Variants in SLC38A6 observed in about 807,000 individuals in gnomAD.
SLC38A6 encodes the protein solute carrier family 38 member 6.
SLC38A6 carries 73 observed loss-of-function variants against 65.0 expected under a neutral mutation model. The ratio of observed to expected loss-of-function variants is 1.12; its 90% CI spans 0.93 to 1.37. The LOEUF is 1.37. Ranked by LOEUF, SLC38A6 falls within the 40% of genes most tolerant of loss-of-function variation. The pLI is 0.00. For missense variants in SLC38A6, 561 were observed against 531.1 expected (o/e 1.06, Z -0.55); for synonymous variants, 183 against 178.8 (o/e 1.02, Z -0.19).
chr14:61,069,904 C>G (rs1453594017), intron 15 of SLC38A6, among the ~76,000 whole-genome samples: 1 of 152,068 alleles, frequency 6.6e-6, no homozygotes, highest in Admixed American at 6.6e-5. Context: ...TATTCTATGC[C>G]TCTCTTAGAG....
intron 1 of SLC38A6, among the ~76,000 whole-genome samples, chr14:60,981,976 G>C (rs904299385): frequency 1.3e-5 from 2 of 152,250 alleles, no homozygotes; most frequent in South Asian, 2.1e-4. Context: ...TGTTTTCAGG[G>C]ATACTGCCAG....
At chr14:61,051,974 A>G (rs1369429850) in intron 14 of SLC38A6, 43 bp downstream of exon 14, 1 of 1,602,448 alleles carries the variant, frequency 6.2e-7, no homozygotes, top group Non-Finnish European at 8.5e-7. Flanking sequence ...AAAATTGATA[A>G]AATTGCTACC....
chr14:61,014,583 T>C (rs2039850494), intron 3 of SLC38A6, among the ~76,000 whole-genome samples: 1 of 152,200 alleles, frequency 6.6e-6, no homozygotes, highest in African/African-American at 2.4e-5. Context: ...CCTTTCTGTT[T>C]GTTAGTTTTC....
chr14:61,064,213 T>A (rs1271769438), intron 15 of SLC38A6, among the ~76,000 whole-genome samples: 1 of 152,188 alleles, frequency 6.6e-6, no homozygotes, highest in Non-Finnish European at 1.5e-5. Context: ...GCCTCCCATG[T>A]GGCTTCAGGT....
chr14:61,075,777 T>G (rs1465136101), intron 15 of SLC38A6, among the ~76,000 whole-genome samples: 1 of 123,302 alleles, frequency 8.1e-6, no homozygotes, highest in Non-Finnish European at 1.7e-5. Flanking sequence ...ATCAACCTGT[T>G]TGTGTGTGTG....
At position 61,023,600 on chromosome 14, in the gene SLC38A6, T is replaced by TAC. The variant is rs36081997; in HGVS notation, c.403+4038_403+4039dup. 6.5e-4 allele frequency among the ~76,000 whole-genome samples: 96 copies of TAC among 146,840 alleles called. 2 individuals are homozygous for TAC. The highest frequency in any genetic ancestry group is 4.0e-3 in the Admixed American group (58 of 14,632). On this transcript the variant is annotated intron_variant, in intron 5 of 15. Transcript: ENST00000267488. The stretch of plus-strand genomic sequence containing the variant: ...TAATAATAATAATAATATATATATA[T>TAC]ACACACACACACACACACATATATG...
intron 15 of SLC38A6, among the ~76,000 whole-genome samples, chr14:61,064,067 C>G (rs909933544): frequency 6.6e-6 from 1 of 152,170 alleles, no homozygotes; most frequent in Non-Finnish European, 1.5e-5. Context: ...TTTCTCTAGC[C>G]TTCACTCACA....
intron 15 of SLC38A6, among the ~76,000 whole-genome samples, chr14:61,075,319 A>G (rs1424034814): frequency 6.6e-6 from 1 of 152,216 alleles, no homozygotes; most frequent in Non-Finnish European, 1.5e-5. Context: ...CACATGGGAC[A>G]GAACACATAC....
At chr14:61,069,010 CT>C (rs2139951684) in intron 15 of SLC38A6, among the ~76,000 whole-genome samples, 1 of 152,252 alleles carries the variant, frequency 6.6e-6, no homozygotes, top group East Asian at 1.9e-4. Flanking sequence ...CTCTTTGTGC[CT>C]GAAGTATTGC....
intron 15 of SLC38A6, among the ~76,000 whole-genome samples, chr14:61,068,723 A>G (rs753915705): frequency 5.3e-4 from 80 of 152,114 alleles, no homozygotes; most frequent in Non-Finnish European, 8.4e-4. Context: ...AATCTTGTTT[A>G]TGTGTTGTCT....
At chr14:61,045,516 C>A in intron 11 of SLC38A6, 91 bp downstream of exon 11, 1 of 939,280 alleles carries the variant, frequency 1.1e-6, no homozygotes, top group South Asian at 1.5e-5. Context: ...TTTATTAATC[C>A]TTTCCTCTCA....
At chr14:61,040,560 C>A (rs142058008) in intron 8 of SLC38A6, among the ~76,000 whole-genome samples, 1 of 152,040 alleles carries the variant, frequency 6.6e-6, no homozygotes, top group Non-Finnish European at 1.5e-5. Flanking sequence ...AGGATGGTCT[C>A]GATCTCCAGA....
intron 15 of SLC38A6, among the ~76,000 whole-genome samples, chr14:61,076,716 C>T (rs910931293): frequency 6.6e-5 from 10 of 152,340 alleles, no homozygotes; most frequent in African/African-American, 2.4e-4. Context: ...TGTTCTGTTA[C>T]ATCAGCCAGA....
rs115424209 is a variant in SLC38A6, at chr14:61,041,397, C to A, written c.625-1750C>A. ...CTATTAATATAAAATCAGGCTACTT[C>A]TTATTTTTTTCAAATTAATAAAAAT... On this transcript the variant is annotated intron_variant, in intron 8 of 15. Transcript: ENST00000267488. 3.6e-4 allele frequency among the ~76,000 whole-genome samples: 55 copies of A among 152,232 alleles called. 1 individual carries two copies. Among genetic ancestry groups the A allele is most frequent in the African/African-American group, 1.3e-3 (54 of 41,550 alleles).
At position 61,050,633 on chromosome 14, in the gene SLC38A6, C is replaced by G. The variant is rs371817012; in HGVS notation, c.1047C>G (p.Phe349Leu). ...AVLLTVPLIHFPARKAVTMMF... is the reference protein window; with the variant it reads ...AVLLTVPLIHLPARKAVTMMF... The stretch of plus-strand genomic sequence containing the variant: ...TTTTGACAGTCCCTCTAATCCACTT[C>G]CCTGTAAGTACTCTTAAAGGGTTTT... The change falls in exon 13 of 16, where the codon TTC (phenylalanine) becomes TTG (leucine). Residue 349 changes from phenylalanine (F) to leucine (L), a missense_variant. Transcript: ENST00000267488. 1.3e-6 allele frequency: 2 copies of G among 1,555,522 alleles called. No individual in the cohort carries two copies. The highest frequency in any genetic ancestry group is 1.7e-6 in the Non-Finnish European group (2 of 1,143,708).
chr14:61,082,606 T>G (rs1438309869), intron 16 of SLC38A6, among the ~76,000 whole-genome samples: 1 of 152,168 alleles, frequency 6.6e-6, no homozygotes, highest in African/African-American at 2.4e-5. Flanking sequence ...TTTGCTTGAC[T>G]GAAGCAGAGA....
At chr14:61,025,180 CAGAA>C (rs2040539976) in intron 5 of SLC38A6, among the ~76,000 whole-genome samples, 1 of 152,066 alleles carries the variant, frequency 6.6e-6, no homozygotes, top group African/African-American at 2.4e-5. Context: ...TTCTAAATCT[CAGAA>C]AGGTATAAAT....
At chr14:60,999,191 A>G (rs2038526264) in intron 3 of SLC38A6, among the ~76,000 whole-genome samples, 1 of 152,196 alleles carries the variant, frequency 6.6e-6, no homozygotes. Context: ...AAAAGAGTCA[A>G]AGTAGATACT....
At chr14:61,069,252 C>T (rs958909720) in intron 15 of SLC38A6, among the ~76,000 whole-genome samples, 3 of 152,138 alleles carry the variant, frequency 2.0e-5, no homozygotes, top group African/African-American at 7.2e-5. Flanking sequence ...TTACTGTTCT[C>T]TGGTCTCCTT....
Sources: gnomAD v4.1 joint callset for allele counts (sites outside exome capture counted in the v4.1 genomes callset) on GRCh38, gnomAD v4.1.1 for gene constraint, MANE v1.5 for transcripts, NCBI Gene and HGNC (gene_info 2026-07-23, HGNC 2026-07-21) for gene names.